The following PCLO variants were observed in gnomAD, a reference collection of about 807,000 sequenced individuals.
The protein encoded by PCLO is piccolo presynaptic cytomatrix protein.
Under a neutral mutation model 427.5 loss-of-function variants are expected in PCLO, and 82 were observed. The ratio of observed to expected loss-of-function variants is 0.19; its 90% CI spans 0.16 to 0.23. PCLO has a LOEUF of 0.23. PCLO is among the 10% of genes least tolerant of loss of function. PCLO has a pLI of 1.00. For synonymous variants in PCLO, 2,357 were observed against 2,155.4 expected (o/e 1.09, Z -2.59); for missense variants, 6,239 against 6,115.9 (o/e 1.02, Z -0.67).
Position 82,908,960 on chromosome 7 carries a change from G to A in PCLO, c.13354C>T (p.Arg4452Cys), listed in dbSNP as rs757068205. 207 of 1,612,688 alleles carry A rather than the reference G, an allele frequency of 1.3e-4. 3 individuals are homozygous for A. In the South Asian group the frequency reaches 2.2e-3, roughly 17 times the overall value. Residue 4452 changes from arginine to cysteine, a missense_variant, in exon 8 of 25, where the codon CGT becomes TGT. Around this residue, in one of 5 missense-constraint regions of PCLO, gnomAD observed 877 missense variants for 925.5 expected, o/e 0.95. Coordinates refer to ENST00000333891, the MANE Select transcript of PCLO (RefSeq NM_033026.6). ...TDWFDKPRES[R>C]LENGHGLDRK... ...TCCAGACCATGTCCATTTTCCAAAC[G>A]AGACTCCCTGGGTTTATCAAACCAA...
At position 82,955,250 on chromosome 7, in the gene PCLO, A is replaced by G; in HGVS notation, c.5703T>C (p.Ile1901=). Residue 1901 remains isoleucine (I), a synonymous_variant, in exon 5 of 25, where the codon ATT becomes ATC. Transcript: ENST00000333891. ...CCTTTTGGCTACCTTCTTTCTGCAT[A>G]ATAGATTGCTCATCTGTTGGTGAGT... ...SLYSPTDEQS[I]MQKEGSQKAL... The G allele has an allele frequency of 1.2e-6, 2 of 1,613,788 alleles. No individual in the cohort carries two copies. Among genetic ancestry groups the G allele is most frequent in the East Asian group, 4.5e-5 (2 of 44,840 alleles).
intron 22 of PCLO, among the ~76,000 whole-genome samples, chr7:82,773,842 G>C (rs1054414081): frequency 2.6e-5 from 4 of 151,950 alleles, no homozygotes; most frequent in African/African-American, 9.7e-5. Context: ...GACTTCCAGG[G>C]TTTCAGTAAT....
At chr7:82,875,147 T>C (rs896879690) in intron 10 of PCLO, among the ~76,000 whole-genome samples, 1 of 152,150 alleles carries the variant, frequency 6.6e-6, no homozygotes, top group Non-Finnish European at 1.5e-5. Context: ...AATGTTAAGA[T>C]TTTGGGATAT....
chr7:82,768,327 G>A (rs925495498), intron 22 of PCLO, among the ~76,000 whole-genome samples: 2 of 151,774 alleles, frequency 1.3e-5, no homozygotes, highest in Non-Finnish European at 2.9e-5. Context: ...GGAGACTGAG[G>A]CACGAGAATT....
intron 3 of PCLO, among the ~76,000 whole-genome samples, chr7:83,008,492 G>T (rs1417022521): frequency 1.3e-5 from 2 of 151,634 alleles, no homozygotes; most frequent in African/African-American, 4.8e-5. Flanking sequence ...TTACAAGTAA[G>T]TTCATCAAGT....
intron 8 of PCLO, among the ~76,000 whole-genome samples, chr7:82,904,711 A>T (rs1794142486): frequency 6.6e-6 from 1 of 152,020 alleles, no homozygotes; most frequent in Admixed American, 6.6e-5. Context: ...ACAGTTTAGA[A>T]GAGTCATCAT....
chr7:82,769,626 G>A (rs757677399), intron 22 of PCLO, among the ~76,000 whole-genome samples: 1 of 152,094 alleles, frequency 6.6e-6, no homozygotes, highest in Non-Finnish European at 1.5e-5. Context: ...CAATGTGGAA[G>A]AGAAAAGAAG....
intron 16 of PCLO, among the ~76,000 whole-genome samples, chr7:82,834,100 T>G (rs760161127): frequency 6.6e-6 from 1 of 152,126 alleles, no homozygotes; most frequent in Non-Finnish European, 1.5e-5. Context: ...CTTCTAGATC[T>G]TTTAAATAGT....
At chr7:83,044,434 T>G (rs1269516374) in intron 3 of PCLO, among the ~76,000 whole-genome samples, 1 of 152,210 alleles carries the variant, frequency 6.6e-6, no homozygotes, top group African/African-American at 2.4e-5. Flanking sequence ...ACTTTCCACA[T>G]AGCAGATAAT....
At chr7:83,027,606 T>G (rs1321681366) in intron 3 of PCLO, among the ~76,000 whole-genome samples, 1 of 149,532 alleles carries the variant, frequency 6.7e-6, no homozygotes, top group Non-Finnish European at 1.5e-5. Context: ...ACTCATTTTA[T>G]GAGGCCAGCA....
chr7:82,903,273 G>A (rs969115516), intron 8 of PCLO, among the ~76,000 whole-genome samples: 2 of 151,834 alleles, frequency 1.3e-5, no homozygotes, highest in East Asian at 1.9e-4. Context: ...CTGAGCACAG[G>A]TACTAGAAGT....
rs1321298690 is a variant in PCLO at position 82,915,758 on chromosome 7, T to G, written c.12228A>C (p.Thr4076=). 2.5e-6 allele frequency: 4 copies of G among 1,612,188 alleles called. No individual in the cohort carries two copies. The highest frequency in any genetic ancestry group is 2.7e-5 in the African/African-American group (2 of 74,914). The change falls in exon 7 of 25, where the codon ACA becomes ACC. Residue 4076 remains threonine, a synonymous_variant. Coordinates refer to ENST00000333891, the MANE Select transcript of PCLO (RefSeq NM_033026.6). ...TCTCAGTGGTTCGAAGGAGACGGTCTGTTTTTGACAGATCCTTTTCATGAA... is the reference window on the plus strand; with the variant it reads ...TCTCAGTGGTTCGAAGGAGACGGTCGGTTTTTGACAGATCCTTTTCATGAA... ...FSLHEKDLSK[T]DRLLRTTETR...
At chr7:83,158,598 T>C (rs1792357315) in intron 1 of PCLO, among the ~76,000 whole-genome samples, 1 of 152,038 alleles carries the variant, frequency 6.6e-6, no homozygotes, top group African/African-American at 2.4e-5. Flanking sequence ...ATCATTGTTT[T>C]AATATTTCAC....
intron 2 of PCLO, among the ~76,000 whole-genome samples, chr7:83,142,254 C>A (rs1232778441): frequency 6.6e-6 from 1 of 152,180 alleles, no homozygotes; most frequent in East Asian, 1.9e-4. Context: ...TTCACATCAG[C>A]TGTTAAATAA....
In PCLO at chr7:82,971,426, A is replaced by ATG. The variant is rs371024798; in HGVS notation, c.3301-4941_3301-4940dup. ...TATGTGTATGTGTGTGTGTATATAT[A>ATG]TGTGTGTGTGTGTATACATCTGTAA... On this transcript the variant is annotated intron_variant, in intron 3 of 24. Coordinates refer to ENST00000333891, the MANE Select transcript of PCLO (RefSeq NM_033026.6). Among the ~76,000 whole-genome samples the ATG allele has an allele frequency of 2.8e-3, 420 of 150,432 alleles. 7 individuals are homozygous for ATG. The highest frequency in any genetic ancestry group is 0.027 in the Admixed American group (399 of 15,000).
chr7:83,116,693 A>G (rs930319524), intron 3 of PCLO, among the ~76,000 whole-genome samples: 1 of 152,216 alleles, frequency 6.6e-6, no homozygotes, highest in African/African-American at 2.4e-5. Flanking sequence ...ATAACACATT[A>G]TTAACTATAT....
chr7:82,880,495 C>T (rs1171768030), intron 9 of PCLO: 8 of 282,122 alleles, frequency 2.8e-5, no homozygotes, highest in South Asian at 1.2e-4. Flanking sequence ...CCTCCTGCCT[C>T]GGCCTCTCAC....
chr7:82,921,808 T>C (rs1198287698), intron 6 of PCLO, among the ~76,000 whole-genome samples: 1 of 151,490 alleles, frequency 6.6e-6, no homozygotes, highest in African/African-American at 2.4e-5. Context: ...AGAAAATCTA[T>C]AAAACTGGAG....
intron 22 of PCLO, among the ~76,000 whole-genome samples, chr7:82,762,240 A>G (rs56346540): frequency 0.079 from 11,944 of 152,148 alleles, 1,146 homozygotes; most frequent in African/African-American, 0.23. Context: ...AAAGGAGCAG[A>G]TGCTTAGGGA....
Sources: gnomAD v4.1 joint callset for allele counts (sites outside exome capture counted in the v4.1 genomes callset) on GRCh38, gnomAD v4.1.1 for gene constraint, gnomAD v4.1.1 regional missense constraint, MANE v1.5 for transcripts, NCBI Gene and HGNC (gene_info 2026-07-23, HGNC 2026-07-21) for gene names.